The following STARD9 variants were observed in gnomAD, a reference collection of about 807,000 sequenced individuals.
STARD9 encodes StAR related lipid transfer domain containing 9.
A neutral mutation model predicts 399.8 loss-of-function variants in STARD9; 346 were observed. The ratio of observed to expected loss-of-function variants is 0.87; its 90% CI spans 0.79 to 0.95. The LOEUF is 0.95. STARD9 is among the 40% of genes least tolerant of loss of function. STARD9 has a pLI of 0.00. For synonymous variants in STARD9, 2,203 were observed against 2,143.5 expected (o/e 1.03, Z -0.77); for missense variants, 5,832 against 5,667.5 (o/e 1.03, Z -0.93).
intron 3 of STARD9, among the ~76,000 whole-genome samples, chr15:42,604,912 G>A (rs1052772186): frequency 1.7e-4 from 26 of 152,018 alleles, no homozygotes; most frequent in Admixed American, 7.2e-4. Flanking sequence ...CAAAGTGCTG[G>A]GATTACAGGT....
chr15:42,685,588 C>T lies in STARD9; in HGVS notation c.4010C>T (p.Ser1337Phe), dbSNP rs1158275465. Residue 1337 changes from serine (S) to phenylalanine (F), a missense_variant, in exon 23 of 33, where the codon TCC becomes TTC. Physicochemically the swap from Ser to Phe is radical, Grantham distance 155. Coordinates refer to ENST00000290607, the MANE Select transcript of STARD9 (RefSeq NM_020759.3). Reference protein sequence around the residue: ...SRESPLMSMDSWFSCDSKINP... With the variant: ...SRESPLMSMDFWFSCDSKINP... ...GAGAGCCCACTGATGTCCATGGATT[C>T]CTGGTTTTCCTGTGACTCTAAGATC... is the stretch of plus-strand genomic sequence containing the variant. The T allele has an allele frequency of 2.0e-6, 3 of 1,537,584 alleles. No individual in the cohort carries two copies. The highest frequency in any genetic ancestry group is 2.0e-5 in the Admixed American group (1 of 50,994).
At position 42,669,345 on chromosome 15, in the gene STARD9, G is replaced by A. The variant is rs1181059023; in HGVS notation, c.1497+8G>A. On this transcript the variant is annotated splice_region_variant and intron_variant, in intron 16 of 32. Transcript: ENST00000290607. ...GTGCTCTATCATCTCAAGGTGAGGAGGCTAGTGTATCCTTTTCTTCCTAAG... is the reference window on the plus strand; with the variant it reads ...GTGCTCTATCATCTCAAGGTGAGGAAGCTAGTGTATCCTTTTCTTCCTAAG... The A allele has an allele frequency of 6.6e-7, 1 of 1,506,050 alleles. No homozygotes were observed. The highest frequency in any genetic ancestry group is 1.2e-5 in the South Asian group (1 of 82,216). The allele number at this position is 1,506,050 out of a possible 1,614,324, so 93.3% of individuals were successfully genotyped here.
intron 3 of STARD9, among the ~76,000 whole-genome samples, chr15:42,607,635 TACACACACACACTTATACACACACAC>T (rs1414181651): frequency 7.3e-6 from 1 of 136,714 alleles, no homozygotes; most frequent in Non-Finnish European, 1.6e-5. Flanking sequence ...TAATATATTA[TACACACACACACTTATACACACACAC>T]ACACACACAC....
At position 42,667,295 on chromosome 15, in the gene STARD9, C is replaced by T. The variant is rs9672339; in HGVS notation, c.1317+1447C>T. 8.0e-4 allele frequency among the ~76,000 whole-genome samples: 121 copies of T among 152,158 alleles called. 1 individual carries two copies. Among genetic ancestry groups the T allele is most frequent in the African/African-American group, 2.7e-3 (114 of 41,488 alleles). On this transcript the variant is annotated intron_variant, in intron 15 of 32. Transcript: ENST00000290607. ...TGCCTCCCAGGTTCAAGCAATTCTCCTGCCTCAGCCTCCTAAGTAGCTGGG... is the reference window on the plus strand; with the variant it reads ...TGCCTCCCAGGTTCAAGCAATTCTCTTGCCTCAGCCTCCTAAGTAGCTGGG...
At chr15:42,669,393 A>G in intron 16 of STARD9, 56 bp downstream of exon 16, 1 of 1,428,380 alleles carries the variant, frequency 7.0e-7, no homozygotes, top group Admixed American at 2.1e-5. Flanking sequence ...GAGGTCAAGG[A>G]GGGAAAAGCT....
At chr15:42,597,972 GTGTGTGTGTGTGTGTTTGTATATATATA>G (rs1381696104) in intron 3 of STARD9, among the ~76,000 whole-genome samples, 165 of 144,528 alleles carry the variant, frequency 1.1e-3, no homozygotes, top group African/African-American at 4.2e-3. Context: ...CTCCCAGCCT[GTGTGTGTGTGTGTGTTTGTATATATATA>G]TGTGTGTGTG....
intron 9 of STARD9, among the ~76,000 whole-genome samples, chr15:42,659,818 C>A (rs2059958566): frequency 6.6e-6 from 1 of 152,184 alleles, no homozygotes; most frequent in Non-Finnish European, 1.5e-5. Flanking sequence ...GTCATCATGC[C>A]CAGCCTAGCA....
In STARD9 at chr15:42,688,139, C is replaced by T; in HGVS notation, c.6561C>T (p.His2187=). Reference sequence around the variant, plus strand: ...ATATTTGTGATTCTTTAGGGAAACACACAACTTGCAGAGAGTTCACCAACA... The same window carrying T: ...ATATTTGTGATTCTTTAGGGAAACATACAACTTGCAGAGAGTTCACCAACA... ...ARDICDSLGK[H]TTCREFTNTS... The change falls in exon 23 of 33, where the codon CAC becomes CAT. Residue 2187 remains histidine (H), a synonymous_variant. Transcript: ENST00000290607. The T allele has an allele frequency of 1.3e-6, 2 of 1,537,384 alleles. No individual in the cohort carries two copies. The highest frequency in any genetic ancestry group is 1.7e-6 in the Non-Finnish European group (2 of 1,146,952).
intron 1 of STARD9, among the ~76,000 whole-genome samples, chr15:42,577,557 G>A (rs907547461): frequency 1.3e-5 from 2 of 152,190 alleles, no homozygotes; most frequent in African/African-American, 4.8e-5. Flanking sequence ...AAAAGTGAAG[G>A]GAAAATGAAA....
intron 22 of STARD9, among the ~76,000 whole-genome samples, chr15:42,683,161 G>A (rs2060471436): frequency 1.3e-5 from 2 of 152,140 alleles, no homozygotes; most frequent in Non-Finnish European, 2.9e-5. Context: ...ATACCTCTTT[G>A]TATCCTCAGG....
Position 42,598,046 on chromosome 15 carries a change from G to A in STARD9, c.234+12409G>A, listed in dbSNP as rs539660989. ...TGTGTGTGTGTGTGTGTGTGTATGT[G>A]TTTGAGATGGAGTCTTGCTCTGTCG... On this transcript the variant is annotated intron_variant, in intron 3 of 32. Transcript: ENST00000290607. Among the ~76,000 whole-genome samples the A allele has an allele frequency of 2.1e-5, 3 of 145,992 alleles. No individual in the cohort carries two copies. In the East Asian group the frequency reaches 6.3e-4, roughly 31 times the overall value.
At chr15:42,706,178 T>C (rs1180223388) in intron 26 of STARD9, among the ~76,000 whole-genome samples, 1 of 152,230 alleles carries the variant, frequency 6.6e-6, no homozygotes, top group Non-Finnish European at 1.5e-5. Context: ...GCTATAGAAC[T>C]TTCTAACCAA....
Position 42,687,385 on chromosome 15 carries a change from A to C in STARD9, c.5807A>C (p.Glu1936Ala), listed in dbSNP as rs2060585848. The C allele has an allele frequency of 6.5e-7, 1 of 1,536,858 alleles. No homozygotes were observed. Among genetic ancestry groups the C allele is most frequent in the Non-Finnish European group, 8.7e-7 (1 of 1,146,912 alleles). The part of the protein sequence containing the change: ...VLRQTINVSL[E>A]KDMPGESAVS... ...AGGCAGACCATCAATGTAAGCCTTG[A>C]GAAAGACATGCCAGGGGAAAGTGCT... The change falls in exon 23 of 33, where the codon GAG (glutamate) becomes GCG (alanine). Residue 1936 changes from glutamate to alanine, a missense_variant. Glu to Ala is a moderately radical substitution (Grantham distance 107). Around this residue, in one of 2 missense-constraint regions of STARD9, gnomAD observed 5,828 missense variants for 5,651.1 expected, o/e 1.03. Coordinates refer to ENST00000290607, the MANE Select transcript of STARD9 (RefSeq NM_020759.3).
In STARD9 at chr15:42,685,673, A is replaced by G. The variant is rs1165729513; in HGVS notation, c.4095A>G (p.Glu1365=). 1.3e-6 allele frequency: 2 copies of G among 1,537,308 alleles called. No homozygotes were observed. Among genetic ancestry groups the G allele is most frequent in the Non-Finnish European group, 1.7e-6 (2 of 1,146,944 alleles). Residue 1365 remains glutamate, a synonymous_variant, in exon 23 of 33, where the codon GAA becomes GAG. Transcript: ENST00000290607. ...TATGTCCAAGTCCTGATATGCAGGA[A>G]TTTCACTCCTGTAAGGGGGAGAGGC... The part of the protein sequence containing the change: ...GSLCPSPDMQ[E]FHSCKGERPG...
At chr15:42,643,970 T>C (rs573916573) in intron 7 of STARD9, among the ~76,000 whole-genome samples, 2 of 152,326 alleles carry the variant, frequency 1.3e-5, no homozygotes, top group African/African-American at 4.8e-5. Flanking sequence ...TATAGGTATC[T>C]AGTTTAATAG....
chr15:42,668,390 T>TTC (rs2060143629), intron 15 of STARD9, among the ~76,000 whole-genome samples: 1 of 152,094 alleles, frequency 6.6e-6, no homozygotes, highest in Non-Finnish European at 1.5e-5. Flanking sequence ...TTTTTTTTTT[T>TTC]TCTGAGCTTC....
intron 4 of STARD9, among the ~76,000 whole-genome samples, chr15:42,636,399 G>A (rs1181103949): frequency 6.6e-6 from 1 of 152,080 alleles, no homozygotes; most frequent in African/African-American, 2.4e-5. Flanking sequence ...TGGCCAATAT[G>A]GTGAAACCAA....
At position 42,663,330 on chromosome 15, in the gene STARD9, C is replaced by T; in HGVS notation, c.918C>T (p.Val306=). The T allele has an allele frequency of 7.8e-6, 12 of 1,537,324 alleles. No homozygotes were observed. Among genetic ancestry groups the T allele is most frequent in the Non-Finnish European group, 9.6e-6 (11 of 1,146,906 alleles). ...GCTGCCAGAGCCTCAACAGCTCAGTCAGCAATGGTGGTGACAGTGGGATCC... is the reference window on the plus strand; with the variant it reads ...GCTGCCAGAGCCTCAACAGCTCAGTTAGCAATGGTGGTGACAGTGGGATCC... ...FSSCQSLNSS[V]SNGGDSGILS... The change falls in exon 12 of 33, where the codon GTC becomes GTT. Residue 306 remains valine, a synonymous_variant. Coordinates refer to ENST00000290607, the MANE Select transcript of STARD9 (RefSeq NM_020759.3).
intron 26 of STARD9, among the ~76,000 whole-genome samples, chr15:42,715,305 G>C (rs777414752): frequency 2.0e-5 from 3 of 152,200 alleles, no homozygotes; most frequent in Non-Finnish European, 1.5e-5. Context: ...AGAAGTCAGT[G>C]AGAAGTGGGA....
Sources: allele counts gnomAD v4.1 joint callset (sites outside exome capture counted in the v4.1 genomes callset), GRCh38; gene constraint gnomAD v4.1.1; regional missense constraint gnomAD v4.1.1; transcripts MANE v1.5; gene names NCBI Gene and HGNC (gene_info 2026-07-23, HGNC 2026-07-21).